Variants in MOSPD2 observed in about 807,000 individuals in gnomAD.
The protein encoded by MOSPD2 is motile sperm domain containing 2, also known as motile sperm domain-containing protein 2.
Under a neutral mutation model 41.7 loss-of-function variants are expected in MOSPD2, and 5 were observed. The ratio of observed to expected loss-of-function variants is 0.12; its 90% CI spans 0.06 to 0.25. The LOEUF (loss-of-function observed/expected upper bound fraction) is 0.25. MOSPD2 is among the 10% of genes least tolerant of loss of function. The pLI is 1.00. For missense variants in MOSPD2, 282 were observed against 375.2 expected, an observed-to-expected ratio of 0.75 and a Z score of 2.05; for synonymous variants, 115 against 126.9, an observed-to-expected ratio of 0.91 and a Z score of 0.63.
At chrX:14,899,565 T>TACACAC (rs59555716) in intron 5 of MOSPD2, among the ~76,000 whole-genome samples, 6,702 of 80,929 alleles carry the variant, frequency 0.083, 326 homozygotes, top group Middle Eastern at 0.15. Context: ...ATTATATACA[T>TACACAC]ACACACACAC....
intron 4 of MOSPD2, 56 bp from the exon 5 acceptor site, chrX:14,897,028 T>C (rs1248500928): frequency 1.1e-6 from 1 of 940,642 alleles, no homozygotes; most frequent in Non-Finnish European, 1.4e-6. Flanking sequence ...AATATATATG[T>C]ATAATAATAT....
intron 2 of MOSPD2, among the ~76,000 whole-genome samples, chrX:14,885,026 G>A (rs922072518): frequency 9.0e-6 from 1 of 111,348 alleles, no homozygotes; most frequent in Non-Finnish European, 1.9e-5. Flanking sequence ...GAACTAGCAG[G>A]CAAGAAATAT....
intron 4 of MOSPD2, 38 bp downstream of exon 4, chrX:14,895,432 T>G (rs760526059): frequency 2.4e-6 from 2 of 816,926 alleles, no homozygotes; most frequent in South Asian, 4.4e-5. Context: ...TTTTCAAGAT[T>G]TTGAGATTGA....
chrX:14,917,062 GGGGGAT>G (rs2092601514), intron 13 of MOSPD2, among the ~76,000 whole-genome samples: 2 of 112,146 alleles, frequency 1.8e-5, no homozygotes, highest in Non-Finnish European at 3.8e-5. Flanking sequence ...TGTCACAACT[GGGGGAT>G]GGGGTACAGT....
chrX:14,904,473 A>T (rs908985266), intron 7 of MOSPD2, among the ~76,000 whole-genome samples: 2 of 111,844 alleles, frequency 1.8e-5, no homozygotes, highest in African/African-American at 3.3e-5. Context: ...GAGTTGAAAC[A>T]ACTACCAAGT....
At chrX:14,901,337 C>T (rs1356957027) in intron 6 of MOSPD2, among the ~76,000 whole-genome samples, 1 of 111,710 alleles carries the variant, frequency 9.0e-6, no homozygotes, top group Non-Finnish European at 1.9e-5. Flanking sequence ...AGTGAAAAGA[C>T]AGCAGAGAGG....
At chrX:14,894,884 A>G (rs2092560330) in intron 3 of MOSPD2, among the ~76,000 whole-genome samples, 1 of 112,143 alleles carries the variant, frequency 8.9e-6, no homozygotes, top group African/African-American at 3.2e-5. Context: ...TGCAAATACC[A>G]CAGTTACTTT....
At chrX:14,909,894 A>T (rs1348898572) in intron 8 of MOSPD2, among the ~76,000 whole-genome samples, 1 of 111,327 alleles carries the variant, frequency 9.0e-6, no homozygotes. Flanking sequence ...ACCTAGAAAA[A>T]CCAAATATAC....
chrX:14,906,081 T>C (rs1451104914), intron 7 of MOSPD2, among the ~76,000 whole-genome samples: 1 of 111,489 alleles, frequency 9.0e-6, no homozygotes, highest in African/African-American at 3.3e-5. Context: ...GAAATGGATA[T>C]GTTTGTCCCA....
At chrX:14,908,521 C>T (rs1220983862) in intron 7 of MOSPD2, among the ~76,000 whole-genome samples, 1 of 111,326 alleles carries the variant, frequency 9.0e-6, no homozygotes, top group Non-Finnish European at 1.9e-5. Flanking sequence ...GCAGTTATTT[C>T]CTGAATCATA....
In MOSPD2 at chrX:14,920,664, C is replaced by G. The variant is rs1406171364; in HGVS notation, c.*855C>G. On this transcript the variant is annotated 3_prime_UTR_variant, in exon 15 of 15. Coordinates refer to ENST00000380492, the MANE Select transcript of MOSPD2 (RefSeq NM_152581.4). ...CCCTCTATTGTCCCATCTTCACCCC[C>G]ATTCCAGAGCAGAGGAGTCTCTGTG... is the stretch of plus-strand genomic sequence containing the variant. 2.7e-6 allele frequency: 2 copies of G among 751,894 alleles called. No homozygotes were observed. The highest frequency in any genetic ancestry group is 3.1e-6 in the Non-Finnish European group (2 of 638,905). The allele number at this position is 751,894 out of a possible 1,213,427, so 62.0% of individuals were successfully genotyped here. A position where few individuals can be genotyped will look rare whatever the true frequency, so the allele number is the denominator to read the frequency against.
chrX:14,876,506 T>C (rs2092520418), intron 2 of MOSPD2, among the ~76,000 whole-genome samples: 1 of 112,333 alleles, frequency 8.9e-6, no homozygotes, highest in East Asian at 2.8e-4. Flanking sequence ...TATAGATTTT[T>C]AGCTGGCAAA....
intron 6 of MOSPD2, among the ~76,000 whole-genome samples, 175 bp downstream of exon 6, chrX:14,900,810 A>AT (rs2092571795): frequency 8.9e-6 from 1 of 111,823 alleles, no homozygotes; most frequent in Non-Finnish European, 1.9e-5. Context: ...AAAGTTTTTC[A>AT]TAAGTATTCA....
intron 13 of MOSPD2, 152 bp from the exon 14 acceptor site, chrX:14,918,528 A>C: frequency 2.4e-6 from 1 of 421,353 alleles, no homozygotes. Flanking sequence ...ACATATACAC[A>C]GAGCAACTGT....
intron 8 of MOSPD2, among the ~76,000 whole-genome samples, chrX:14,910,639 GT>G (rs2092589848): frequency 1.8e-5 from 2 of 111,485 alleles, no homozygotes; most frequent in Admixed American, 9.6e-5. Context: ...TGTGAGTATA[GT>G]TTTTAATTTA....
At chrX:14,909,008 A>T (rs1228349808) in intron 8 of MOSPD2, 24 bp downstream of exon 8, 1 of 1,114,354 alleles carries the variant, frequency 9.0e-7, no homozygotes, top group Admixed American at 2.4e-5. Context: ...ACTTGTTTAT[A>T]AAACAATACT....
At chrX:14,890,712 A>C (rs1461182193) in intron 2 of MOSPD2, among the ~76,000 whole-genome samples, 6 of 111,725 alleles carry the variant, frequency 5.4e-5, no homozygotes, top group Non-Finnish European at 3.8e-5. Context: ...AAGATAAGGA[A>C]ATTGAGACTC....
chrX:14,886,818 C>T (rs1419461904), intron 2 of MOSPD2, among the ~76,000 whole-genome samples: 3 of 111,647 alleles, frequency 2.7e-5, no homozygotes, highest in Non-Finnish European at 5.6e-5. Context: ...ATAAGCCTTC[C>T]TAATCATTCT....
At chrX:14,901,804 C>T (rs1055374372) in intron 6 of MOSPD2, among the ~76,000 whole-genome samples, 5 of 110,389 alleles carry the variant, frequency 4.5e-5, no homozygotes, top group African/African-American at 1.6e-4. Flanking sequence ...TCCACTTGAT[C>T]ATTGAAATAT....
Sources: allele counts gnomAD v4.1 joint callset (sites outside exome capture counted in the v4.1 genomes callset), GRCh38; gene constraint gnomAD v4.1.1; transcripts MANE v1.5; gene names NCBI Gene and HGNC (gene_info 2026-07-23, HGNC 2026-07-21).